Variants in TCF4 observed in about 807,000 individuals in gnomAD.
TCF4 encodes the protein transcription factor 4.
In TCF4, 3 loss-of-function variants were observed where a neutral mutation model predicts 82.1. That is an observed-to-expected ratio of 0.04 (90% CI 0.02 to 0.09). TCF4 has a LOEUF of 0.09. Ranked by LOEUF, TCF4 falls within the 10% of genes least tolerant of loss-of-function variation. TCF4 has a pLI of 1.00. For missense variants in TCF4, 518 were observed against 852.7 expected (o/e 0.61, Z 4.89); for synonymous variants, 276 against 309.6 (o/e 0.89, Z 1.14).
chr18:55,425,875 C>T (rs2094958061), intron 5 of TCF4, among the ~76,000 whole-genome samples: 1 of 152,136 alleles, frequency 6.6e-6, no homozygotes. Flanking sequence ...CTCAGCTTTG[C>T]TGGGTGGCTC....
intron 2 of TCF4, among the ~76,000 whole-genome samples, chr18:55,627,835 C>T (rs888061596): frequency 1.1e-4 from 16 of 151,424 alleles, no homozygotes; most frequent in African/African-American, 3.9e-4. Context: ...CCGAGGCGGG[C>T]GGATCACGAG....
intron 2 of TCF4, chr18:55,586,033 A>G (rs1359222017): frequency 7.3e-7 from 1 of 1,375,236 alleles, no homozygotes; most frequent in East Asian, 3.0e-5. Flanking sequence ...CAACAAGCAG[A>G]AAGGGGGCTG....
At chr18:55,545,597 C>T (rs2097199629) in intron 3 of TCF4, among the ~76,000 whole-genome samples, 1 of 152,012 alleles carries the variant, frequency 6.6e-6, no homozygotes, top group South Asian at 2.1e-4. Context: ...TACAGGTGCC[C>T]ACCACCACAC....
intron 8 of TCF4, among the ~76,000 whole-genome samples, chr18:55,343,897 T>G (rs2080580475): frequency 1.3e-5 from 2 of 152,236 alleles, no homozygotes; most frequent in South Asian, 4.1e-4. Flanking sequence ...TAGTAGAAAT[T>G]GATCAAGGCT....
At chr18:55,237,718 A>G (rs2049967338) in intron 15 of TCF4, among the ~76,000 whole-genome samples, 1 of 152,172 alleles carries the variant, frequency 6.6e-6, no homozygotes, top group African/African-American at 2.4e-5. Context: ...CCATGTAATA[A>G]TGAGCTTGAT....
intron 3 of TCF4, among the ~76,000 whole-genome samples, chr18:55,511,346 A>AAAAAC (rs1555713661): frequency 0.011 from 1,610 of 151,088 alleles, 29 homozygotes; most frequent in African/African-American, 0.037. Flanking sequence ...AAAAAAAAAA[A>AAAAAC]AAAAGCATTC....
rs181306654 is a variant in TCF4, at chr18:55,417,815, A to G, written c.305-14297T>C. 1.9e-3 allele frequency among the ~76,000 whole-genome samples: 293 copies of G among 152,324 alleles called. 1 individual carries two copies. Among genetic ancestry groups the G allele is most frequent in the Non-Finnish European group, 2.9e-3 (198 of 68,036 alleles). ...TAAAATCACTGAAATAGTTAATATT[A>G]TGCTACAGCATGTTACCACTCATTT... is the stretch of plus-strand genomic sequence containing the variant. On this transcript the variant is annotated intron_variant, in intron 5 of 19. Coordinates refer to ENST00000354452, the MANE Select transcript of TCF4 (RefSeq NM_001083962.2).
At chr18:55,295,378 C>T (rs1182263884) in intron 8 of TCF4, among the ~76,000 whole-genome samples, 1 of 152,154 alleles carries the variant, frequency 6.6e-6, no homozygotes, top group Non-Finnish European at 1.5e-5. Flanking sequence ...AATTATCTTG[C>T]AATGCCTGTT....
chr18:55,293,930 A>ATTTTTTTTTTTT (rs1568769774), intron 8 of TCF4, among the ~76,000 whole-genome samples: 1 of 22,660 alleles, frequency 4.4e-5, no homozygotes, highest in Non-Finnish European at 1.1e-4. Flanking sequence ...CTTTCCAAGG[A>ATTTTTTTTTTTT]CTTTTTTTTT....
At chr18:55,375,316 G>A (rs1482453863) in intron 6 of TCF4, among the ~76,000 whole-genome samples, 5 of 151,916 alleles carry the variant, frequency 3.3e-5, no homozygotes, top group Admixed American at 1.3e-4. Flanking sequence ...ATGCACACAA[G>A]CATACACATA....
intron 3 of TCF4, among the ~76,000 whole-genome samples, chr18:55,521,412 T>C (rs2096932309): frequency 6.6e-6 from 1 of 152,218 alleles, no homozygotes; most frequent in Non-Finnish European, 1.5e-5. Flanking sequence ...GAGATGTCAA[T>C]AAGCCTCTTT....
At chr18:55,507,180 C>T (rs1190575614) in intron 3 of TCF4, among the ~76,000 whole-genome samples, 2 of 152,102 alleles carry the variant, frequency 1.3e-5, no homozygotes, top group African/African-American at 4.8e-5. Context: ...AAGTGGGGAA[C>T]TTTGCCCTTG....
intron 6 of TCF4, among the ~76,000 whole-genome samples, chr18:55,362,186 T>C (rs1336756331): frequency 2.0e-5 from 3 of 152,046 alleles, no homozygotes; most frequent in Non-Finnish European, 4.4e-5. Context: ...CTCATGCCTG[T>C]AATCCCAGCA....
At chr18:55,631,640 G>A (rs597159) in intron 1 of TCF4, among the ~76,000 whole-genome samples, 152,058 of 152,300 alleles carry the variant, frequency 1, 75,909 homozygotes, top group Middle Eastern at 1. Flanking sequence ...GGAAATTGAC[G>A]CATGTCAAAA....
intron 3 of TCF4, among the ~76,000 whole-genome samples, chr18:55,499,032 C>T (rs1220459263): frequency 6.6e-6 from 1 of 152,110 alleles, no homozygotes; most frequent in Non-Finnish European, 1.5e-5. Context: ...AGATCTTCAA[C>T]GATGGGTTCA....
Position 55,587,833 on chromosome 18 carries a change from G to A in TCF4, c.-21+205C>T, listed in dbSNP as rs1020003359. Among the ~76,000 whole-genome samples the A allele has an allele frequency of 9.8e-4, 145 of 148,042 alleles. 2 individuals carry two copies. The highest frequency in any genetic ancestry group is 5.1e-4 in the Non-Finnish European group (34 of 66,700). ...CCCTGGCAAAGTCCTCGGTCCCTCC[G>A]AGGGGGCATCAAGGGGAGGGGCGGG... is the stretch of plus-strand genomic sequence containing the variant. On this transcript the variant is annotated intron_variant, in intron 1 of 19. Transcript: ENST00000354452.
chr18:55,476,474 T>A (rs1165674547), intron 3 of TCF4, among the ~76,000 whole-genome samples: 1 of 152,078 alleles, frequency 6.6e-6, no homozygotes, highest in Non-Finnish European at 1.5e-5. Context: ...TTTTGTTTTT[T>A]GTTTTTGTTT....
At chr18:55,474,337 A>G (rs1476692704) in intron 3 of TCF4, among the ~76,000 whole-genome samples, 3 of 152,214 alleles carry the variant, frequency 2.0e-5, no homozygotes, top group African/African-American at 7.2e-5. Context: ...AAAGCATTTA[A>G]TTTTTGTGGT....
At chr18:55,270,946 TC>T (rs2060220926) in intron 10 of TCF4, among the ~76,000 whole-genome samples, 1 of 152,188 alleles carries the variant, frequency 6.6e-6, no homozygotes, top group Non-Finnish European at 1.5e-5. Flanking sequence ...CACTTTTTCT[TC>T]ATATGCAATA....
Sources: gnomAD v4.1 joint callset for allele counts (sites outside exome capture counted in the v4.1 genomes callset) on GRCh38, gnomAD v4.1.1 for gene constraint, MANE v1.5 for transcripts, NCBI Gene and HGNC (gene_info 2026-07-23, HGNC 2026-07-21) for gene names.